The following SCN8A variants were observed in gnomAD, a reference collection of about 807,000 sequenced individuals.
SCN8A encodes sodium channel protein type 8 subunit alpha.
Under a neutral mutation model 184.1 loss-of-function variants are expected in SCN8A, and 30 were observed. The observed-to-expected ratio is 0.16, with a 90% confidence interval of 0.12 to 0.22. The LOEUF (loss-of-function observed/expected upper bound fraction) is 0.22. Among genes scored for constraint, SCN8A ranks in the 10% least tolerant of loss-of-function variants. The probability of loss-of-function intolerance (pLI) is 1.00; values close to 1 mark genes in which losing one functional copy is unlikely to be tolerated. For missense variants in SCN8A, 1,057 were observed against 2,498.9 expected, an observed-to-expected ratio of 0.42 and a Z score of 12.30; for synonymous variants, 852 against 907.0, an observed-to-expected ratio of 0.94 and a Z score of 1.09.
At chr12:51,668,446 A>G (rs904372020) in intron 2 of SCN8A, among the ~76,000 whole-genome samples, 1 of 152,106 alleles carries the variant, frequency 6.6e-6, no homozygotes, top group Non-Finnish European at 1.5e-5. Context: ...ATTACAACAT[A>G]TTTCTAGTTC....
At chr12:51,719,898 A>ATGGTGTT (rs1164884042) in intron 11 of SCN8A, among the ~76,000 whole-genome samples, 1 of 151,952 alleles carries the variant, frequency 6.6e-6, no homozygotes, top group Non-Finnish European at 1.5e-5. Context: ...AACACGGTGA[A>ATGGTGTT]ACCCCGTCTC....
chr12:51,660,242 T>C (rs573035220), intron 1 of SCN8A, among the ~76,000 whole-genome samples: 3 of 152,162 alleles, frequency 2.0e-5, no homozygotes, highest in African/African-American at 7.2e-5. Context: ...AGAGCAGGGG[T>C]AATCGAGAGG....
intron 1 of SCN8A, among the ~76,000 whole-genome samples, chr12:51,591,943 A>C (rs1266304811): frequency 1.5e-5 from 2 of 131,966 alleles, no homozygotes; most frequent in African/African-American, 6.0e-5. Context: ...CCCTCCCAAC[A>C]GGGTGCTCTG....
intron 8 of SCN8A, among the ~76,000 whole-genome samples, 197 bp downstream of exon 8, chr12:51,701,404 C>T (rs1255207268): frequency 6.6e-6 from 1 of 152,176 alleles, no homozygotes; most frequent in African/African-American, 2.4e-5. Context: ...TAGTAAGTGC[C>T]TGTGCTTGTA....
chr12:51,608,658 T>G (rs895393731), intron 1 of SCN8A, among the ~76,000 whole-genome samples: 1 of 152,210 alleles, frequency 6.6e-6, no homozygotes, highest in African/African-American at 2.4e-5. Context: ...TGCTAAAAGG[T>G]CTATCAATTT....
chr12:51,604,641 C>T lies in SCN8A; in HGVS notation c.-55+13282C>T, dbSNP rs186482283. 3.3e-3 allele frequency among the ~76,000 whole-genome samples: 507 copies of T among 152,288 alleles called. 1 individual carries two copies. Among genetic ancestry groups the T allele is most frequent in the Middle Eastern group, 0.017 (5 of 294 alleles). On this transcript the variant is annotated intron_variant, in intron 1 of 26. Coordinates refer to ENST00000627620, the MANE Select transcript of SCN8A (RefSeq NM_001330260.2). ...GCCTCCCCTTCAAGCAATTCTCCTG[C>T]CTCAGCCTCAGAAGTAGCTGGGATT...
At chr12:51,700,196 G>C (rs1015858858) in intron 7 of SCN8A, among the ~76,000 whole-genome samples, 2 of 151,576 alleles carry the variant, frequency 1.3e-5, no homozygotes, top group African/African-American at 2.4e-5. Context: ...AAAAAAAAGA[G>C]GTAGTTGGAG....
intron 15 of SCN8A, among the ~76,000 whole-genome samples, chr12:51,764,566 C>T (rs1241057703): frequency 2.6e-5 from 4 of 151,832 alleles, no homozygotes; most frequent in East Asian, 1.9e-4. Context: ...ACCCAGGAGG[C>T]GGAGGTTGTA....
chr12:51,756,611 C>T (rs1279587857), intron 14 of SCN8A, among the ~76,000 whole-genome samples: 2 of 152,248 alleles, frequency 1.3e-5, no homozygotes, highest in African/African-American at 4.8e-5. Context: ...ATACCACTTC[C>T]AACTGCCCAT....
At position 51,770,600 on chromosome 12, in the gene SCN8A, C is replaced by T. The variant is rs1430513260; in HGVS notation, c.3562C>T (p.Arg1188Trp). 6.2e-7 allele frequency: 1 copy of T among 1,614,028 alleles called. No individual in the cohort carries two copies. Among genetic ancestry groups the T allele is most frequent in the Non-Finnish European group, 8.5e-7 (1 of 1,179,932 alleles). ...EGLGKSWWIL[R>W]KTCFLIVEHN... ...GCTAGGCAAGTCTTGGTGGATCCTG[C>T]GGAAAACCTGCTTCCTCATCGTGGA... Residue 1188 changes from arginine to tryptophan, a missense_variant, in exon 19 of 27, where the codon CGG becomes TGG. Physicochemically the swap from Arg to Trp is moderately radical, Grantham distance 101. This residue lies in a region of SCN8A where 178 missense variants were observed against 259.6 expected (regional missense o/e 0.69). Coordinates refer to ENST00000627620, the MANE Select transcript of SCN8A (RefSeq NM_001330260.2).
intron 26 of SCN8A, among the ~76,000 whole-genome samples, chr12:51,802,065 AAACTC>A (rs1938570786): frequency 6.6e-6 from 1 of 151,252 alleles, no homozygotes; most frequent in Non-Finnish European, 1.5e-5. Flanking sequence ...AAAAAAAAAG[AAACTC>A]AAGCAGTTCT....
chr12:51,807,144 C>A lies in SCN8A; in HGVS notation c.5658C>A (p.Ile1886=), dbSNP rs1423903524. The A allele has an allele frequency of 6.2e-7, 1 of 1,613,914 alleles. No individual in the cohort carries two copies. The highest frequency in any genetic ancestry group is 8.5e-7 in the Non-Finnish European group (1 of 1,179,890). ...SNPSKVSYEP[I]TTTLRRKQEE... ...CTTCCAAAGTGTCTTACGAGCCAAT[C>A]ACAACCACACTGCGTCGCAAGCAGG... The change falls in exon 27 of 27, where the codon ATC becomes ATA. Residue 1886 remains isoleucine (I), a synonymous_variant. Coordinates refer to ENST00000627620, the MANE Select transcript of SCN8A (RefSeq NM_001330260.2). This position sits in a 1 kb window ranked among gnomAD's most constrained non-coding sequence, Gnocchi z 4.5.
intron 1 of SCN8A, among the ~76,000 whole-genome samples, chr12:51,651,705 G>A (rs1317684274): frequency 6.6e-6 from 1 of 152,186 alleles, no homozygotes; most frequent in Non-Finnish European, 1.5e-5. Flanking sequence ...TGAGATTTGG[G>A]TGGGGACACA....
intron 2 of SCN8A, among the ~76,000 whole-genome samples, chr12:51,668,404 G>A (rs1265312034): frequency 6.6e-6 from 1 of 152,078 alleles, no homozygotes; most frequent in Non-Finnish European, 1.5e-5. Flanking sequence ...GTATAACCAG[G>A]ACTAGAGCTC....
intron 12 of SCN8A, among the ~76,000 whole-genome samples, chr12:51,743,682 A>G (rs939714040): frequency 1.3e-5 from 2 of 152,146 alleles, no homozygotes; most frequent in Non-Finnish European, 2.9e-5. Context: ...CATGGCTGCC[A>G]CCTGTGTTCA....
intron 1 of SCN8A, among the ~76,000 whole-genome samples, chr12:51,644,221 G>A (rs1161760449): frequency 3.9e-5 from 6 of 152,170 alleles, no homozygotes; most frequent in Non-Finnish European, 7.3e-5. Context: ...GGGATGCAGG[G>A]AAGGGAAAGA....
chr12:51,762,693 C>T lies in SCN8A; in HGVS notation c.2544+17C>T, dbSNP rs765465396. 1.7e-5 allele frequency: 26 copies of T among 1,551,446 alleles called. No homozygotes were observed. The highest frequency in any genetic ancestry group is 2.2e-5 in the Non-Finnish European group (25 of 1,159,446). The stretch of plus-strand genomic sequence containing the variant: ...TTCCGATTGGTATTCCATATTTCTC[C>T]AATTTCTTTTAACATTTCCTATCTT... On this transcript the variant is annotated intron_variant, in intron 15 of 26. Coordinates refer to ENST00000627620, the MANE Select transcript of SCN8A (RefSeq NM_001330260.2).
intron 1 of SCN8A, among the ~76,000 whole-genome samples, chr12:51,623,258 A>G: frequency 6.6e-6 from 1 of 152,186 alleles, no homozygotes; most frequent in Admixed American, 6.6e-5. Flanking sequence ...ATGTATGCTA[A>G]CCCATGTATA....
intron 13 of SCN8A, among the ~76,000 whole-genome samples, chr12:51,747,089 A>ATGTGTGTG (rs60490453): frequency 0.027 from 2,219 of 81,134 alleles, 45 homozygotes; most frequent in African/African-American, 0.06. Context: ...CTCTGTGTGT[A>ATGTGTGTG]TGTGTGTGTG....
Sources: gnomAD v4.1 joint callset for allele counts (sites outside exome capture counted in the v4.1 genomes callset) on GRCh38, gnomAD v4.1.1 for gene constraint, gnomAD v4.1.1 regional missense constraint, Gnocchi (gnomAD v3.1) non-coding constraint, MANE v1.5 for transcripts, NCBI Gene and HGNC (gene_info 2026-07-23, HGNC 2026-07-21) for gene names.